PDE4D: variants seen among roughly 807,000 people sequenced by gnomAD.
The protein encoded by PDE4D is phosphodiesterase 4D, also known as 3',5'-cyclic-AMP phosphodiesterase 4D.
In PDE4D, 24 loss-of-function variants were observed where a neutral mutation model predicts 87.4. That is an observed-to-expected ratio of 0.27 (90% CI 0.20 to 0.39). The LOEUF (loss-of-function observed/expected upper bound fraction) is 0.39. Among genes scored for constraint, PDE4D ranks in the 10% least tolerant of loss-of-function variants. The pLI is 1.00. For missense variants in PDE4D, 714 were observed against 1,041.0 expected, an observed-to-expected ratio of 0.69 and a Z score of 4.32; for synonymous variants, 384 against 383.2, an observed-to-expected ratio of 1.00 and a Z score of -0.02.
At chr5:59,759,434 T>A (rs1421977381) in intron 1 of PDE4D, among the ~76,000 whole-genome samples, 1 of 152,182 alleles carries the variant, frequency 6.6e-6, no homozygotes, top group East Asian at 1.9e-4. Context: ...TAAATGTCAA[T>A]GGTCATGGGA....
intron 1 of PDE4D, among the ~76,000 whole-genome samples, chr5:59,535,317 T>TTTTCTG (rs1814997782): frequency 6.6e-6 from 1 of 152,198 alleles, no homozygotes; most frequent in Non-Finnish European, 1.5e-5. Context: ...TCTGGGTGTC[T>TTTTCTG]GGCCCAGGCA....
intron 1 of PDE4D, among the ~76,000 whole-genome samples, chr5:59,696,792 G>A (rs979316064): frequency 8.6e-5 from 13 of 152,022 alleles, no homozygotes; most frequent in South Asian, 2.1e-4. Flanking sequence ...TTCCTTGACC[G>A]GAATAACTGT....
intron 5 of PDE4D, among the ~76,000 whole-genome samples, chr5:59,052,882 A>G (rs1761753666): frequency 6.6e-6 from 1 of 152,170 alleles, no homozygotes; most frequent in Non-Finnish European, 1.5e-5. Context: ...TATTTGTTAA[A>G]AACTTGTAAT....
At chr5:59,894,728 A>G (rs1751456113), upstream of PDE4D, among the ~76,000 whole-genome samples, 1 of 152,342 alleles carries the variant, frequency 6.6e-6, no homozygotes, top group South Asian at 2.1e-4. Context: ...CTCTATTACT[A>G]AAGTGTTTTA....
At chr5:60,331,089 AG>A (rs1418985910) in intron 1 of PDE4D, among the ~76,000 whole-genome samples, 2 of 152,238 alleles carry the variant, frequency 1.3e-5, no homozygotes, top group African/African-American at 4.8e-5. Flanking sequence ...ACCAAGTGCA[AG>A]GACCAGGCTA....
At chr5:60,362,997 G>C (rs1760207276) in intron 1 of PDE4D, among the ~76,000 whole-genome samples, 1 of 152,058 alleles carries the variant, frequency 6.6e-6, no homozygotes, top group Non-Finnish European at 1.5e-5. Context: ...TTTAAAAACT[G>C]TCTCTAGCTG....
At chr5:59,795,920 G>A (rs1483096148) in intron 1 of PDE4D, among the ~76,000 whole-genome samples, 5 of 152,180 alleles carry the variant, frequency 3.3e-5, no homozygotes, top group African/African-American at 1.2e-4. Context: ...CACATATGCA[G>A]GAGGAAGGCA....
chr5:59,047,155 T>C (rs956864869), intron 5 of PDE4D, among the ~76,000 whole-genome samples: 2 of 152,220 alleles, frequency 1.3e-5, no homozygotes, highest in Non-Finnish European at 2.9e-5. Flanking sequence ...CTCAAGTCTC[T>C]AACTTAAATG....
At chr5:60,424,225 A>AC (rs1384098483) in intron 1 of PDE4D, among the ~76,000 whole-genome samples, 1 of 152,228 alleles carries the variant, frequency 6.6e-6, no homozygotes, top group Non-Finnish European at 1.5e-5. Context: ...CAGAGACACA[A>AC]CAAAAAAAGA....
intron 1 of PDE4D, among the ~76,000 whole-genome samples, chr5:59,309,860 G>T (rs1270104050): frequency 6.6e-6 from 1 of 151,976 alleles, no homozygotes; most frequent in Non-Finnish European, 1.5e-5. Flanking sequence ...GCCCAAACCC[G>T]CTGCCAGTAA....
chr5:60,105,654 A>T (rs1776806651), intron 2 of PDE4D, among the ~76,000 whole-genome samples: 1 of 152,128 alleles, frequency 6.6e-6, no homozygotes, highest in Admixed American at 6.5e-5. Context: ...TCAGACTAAC[A>T]GCAGATCTCT....
At chr5:59,719,484 G>C (rs1176372627) in intron 1 of PDE4D, among the ~76,000 whole-genome samples, 1 of 152,030 alleles carries the variant, frequency 6.6e-6, no homozygotes, top group Non-Finnish European at 1.5e-5. Context: ...TTTAATTACG[G>C]GTTTATATAA....
In PDE4D at chr5:59,341,838, A is replaced by G. The variant is rs115972369; in HGVS notation, c.456-125870T>C. Among the ~76,000 whole-genome samples, 529 of 152,282 alleles carry G rather than the reference A, an allele frequency of 3.5e-3. 1 individual carries two copies. Among genetic ancestry groups the G allele is most frequent in the Non-Finnish European group, 5.8e-3 (392 of 68,028 alleles). On this transcript the variant is annotated intron_variant, in intron 1 of 14. Coordinates refer to ENST00000340635, the MANE Select transcript of PDE4D (RefSeq NM_001104631.2). Reference sequence around the variant, plus strand: ...CTATTCAAACTTGCACTTATCTTTGATGGAAAGAAATGTATAGCCTATTCT... The same window carrying G: ...CTATTCAAACTTGCACTTATCTTTGGTGGAAAGAAATGTATAGCCTATTCT...
Position 58,974,964 on chromosome 5 carries a change from G to A in PDE4D, c.2130C>T (p.Ser710=), listed in dbSNP as rs763078066. The stretch of plus-strand genomic sequence containing the variant: ...CAGGAGAGGGGCTCTGAGGGATTGT[G>A]CTCTGGTACCATTCACGATTGTCCT... ...TLEDNREWYQ[S]TIPQSPSPAP... is the part of the protein sequence containing the mutation. Residue 710 remains serine (S), a synonymous_variant, in exon 15 of 15, where the codon AGC becomes AGT. Transcript: ENST00000340635. 1.2e-6 allele frequency: 2 copies of A among 1,613,318 alleles called. No individual in the cohort carries two copies. The highest frequency in any genetic ancestry group is 1.1e-5 in the South Asian group (1 of 91,010).
intron 1 of PDE4D, among the ~76,000 whole-genome samples, chr5:59,737,111 G>A (rs4700341): frequency 0.49 from 74,225 of 151,874 alleles, 18,834 homozygotes; most frequent in African/African-American, 0.56. Context: ...AATTCTCTTT[G>A]GTAATTCTGC....
chr5:59,371,842 AC>A (rs1330411126), intron 1 of PDE4D, among the ~76,000 whole-genome samples: 2 of 152,198 alleles, frequency 1.3e-5, no homozygotes, highest in East Asian at 3.8e-4. Context: ...TTTGTTTCTT[AC>A]CCAGGGCAAA....
At chr5:60,061,571 G>GA (rs1014919806) in intron 2 of PDE4D, among the ~76,000 whole-genome samples, 22 of 151,404 alleles carry the variant, frequency 1.5e-4, no homozygotes, top group Admixed American at 1.2e-3. Flanking sequence ...CACAGAATTA[G>GA]AAAAAAACTA....
chr5:59,952,106 A>C (rs1303036593), intron 3 of PDE4D, among the ~76,000 whole-genome samples: 1 of 152,082 alleles, frequency 6.6e-6, no homozygotes, highest in African/African-American at 2.4e-5. Flanking sequence ...GTGAATTCTA[A>C]AGAGATCTGA....
At chr5:60,110,679 A>G (rs373509046) in intron 2 of PDE4D, among the ~76,000 whole-genome samples, 1 of 152,260 alleles carries the variant, frequency 6.6e-6, no homozygotes, top group Non-Finnish European at 1.5e-5. Context: ...GGAAACCAAT[A>G]TATCAGAGGG....
Sources: allele counts gnomAD v4.1 joint callset (sites outside exome capture counted in the v4.1 genomes callset), GRCh38; gene constraint gnomAD v4.1.1; transcripts MANE v1.5; gene names NCBI Gene and HGNC (gene_info 2026-07-23, HGNC 2026-07-21).